Variants in AJAP1 observed in about 807,000 individuals in gnomAD.
The protein encoded by AJAP1 is adherens junctions associated protein 1.
In AJAP1, 5 loss-of-function variants were observed where a neutral mutation model predicts 35.0. The observed-to-expected ratio is 0.14, with a 90% CI of 0.07 to 0.30. The LOEUF (loss-of-function observed/expected upper bound fraction) is 0.30. Among genes scored for constraint, AJAP1 ranks in the 10% least tolerant of loss-of-function variants. AJAP1 has a pLI of 1.00. For synonymous variants in AJAP1, 284 were observed against 249.3 expected (o/e 1.14, Z -1.31); for missense variants, 586 against 571.0 (o/e 1.03, Z -0.27).
At chr1:4,733,652 G>T (rs1031570370) in intron 2 of AJAP1, among the ~76,000 whole-genome samples, 1 of 151,710 alleles carries the variant, frequency 6.6e-6, no homozygotes, top group African/African-American at 2.4e-5. Context: ...TGCTCCGAGC[G>T]CGGGAAATCC....
chr1:4,693,661 T>TTC lies in AJAP1; in HGVS notation c.30-18238_30-18237insCT, dbSNP rs1472132917. 6.6e-6 allele frequency among the ~76,000 whole-genome samples: 1 copy of TTC among 152,178 alleles called. No homozygotes were observed. ...AACAATATATGTGAGACTGGGCATT[T>TTC]TATAAAAAGCAGAGATTTATTTCTC... On this transcript the variant is annotated intron_variant, in intron 1 of 5. Transcript: ENST00000378191. This position sits in a 1 kb window ranked among gnomAD's most constrained non-coding sequence, Gnocchi z 4.4.
intron 5 of AJAP1, among the ~76,000 whole-genome samples, chr1:4,780,131 CAAAAAAAAA>C (rs545412869): frequency 5.4e-5 from 5 of 92,188 alleles, no homozygotes; most frequent in Admixed American, 1.2e-4. Flanking sequence ...GTGACAGTCT[CAAAAAAAAA>C]AAAAAAAAAA....
At chr1:4,774,086 A>T (rs1024324400) in intron 4 of AJAP1, among the ~76,000 whole-genome samples, 8 of 152,258 alleles carry the variant, frequency 5.3e-5, no homozygotes, top group Non-Finnish European at 1.0e-4. Context: ...CAAATCTGCC[A>T]TCAGAGGCAG....
At chr1:4,711,839 G>A (rs1640247471) in intron 1 of AJAP1, 61 bp from the exon 2 acceptor site, 3 of 1,328,760 alleles carry the variant, frequency 2.3e-6, no homozygotes, top group Non-Finnish European at 3.0e-6. Flanking sequence ...GAGGGCCCCG[G>A]GGCCCAGTCC....
intron 2 of AJAP1, among the ~76,000 whole-genome samples, chr1:4,737,083 G>A (rs965878969): frequency 6.6e-6 from 1 of 152,204 alleles, no homozygotes; most frequent in Non-Finnish European, 1.5e-5. Flanking sequence ...GGCAAAGTGG[G>A]AATTATTACG....
chr1:4,746,045 A>G (rs1465718026), intron 2 of AJAP1, among the ~76,000 whole-genome samples: 1 of 152,194 alleles, frequency 6.6e-6, no homozygotes, highest in African/African-American at 2.4e-5. Context: ...GATTTAAAAC[A>G]ACAGCAATTT....
intron 1 of AJAP1, among the ~76,000 whole-genome samples, chr1:4,670,085 G>A (rs1639216958): frequency 6.6e-6 from 1 of 152,158 alleles, no homozygotes; most frequent in African/African-American, 2.4e-5. Flanking sequence ...CCTGCACAGG[G>A]CTGGAAGGAT....
intron 2 of AJAP1, among the ~76,000 whole-genome samples, chr1:4,745,821 G>A (rs1641174844): frequency 6.6e-6 from 1 of 152,176 alleles, no homozygotes; most frequent in Non-Finnish European, 1.5e-5. Flanking sequence ...GTTGCTGGGG[G>A]CGAGTCGACT....
intron 2 of AJAP1, among the ~76,000 whole-genome samples, chr1:4,765,345 G>A (rs1193076844): frequency 1.3e-5 from 2 of 152,206 alleles, no homozygotes; most frequent in African/African-American, 4.8e-5. Context: ...CCCCTGGACA[G>A]CTGACATGGA....
chr1:4,701,701 G>A (rs1570129408), intron 1 of AJAP1, among the ~76,000 whole-genome samples: 1 of 152,210 alleles, frequency 6.6e-6, no homozygotes, highest in Non-Finnish European at 1.5e-5. Flanking sequence ...CCCCTGAGGG[G>A]CAAAATCACC....
intron 1 of AJAP1, among the ~76,000 whole-genome samples, chr1:4,660,276 T>C (rs1398775487): frequency 1.3e-5 from 2 of 152,308 alleles, no homozygotes; most frequent in East Asian, 1.9e-4. Flanking sequence ...ACAATACTCA[T>C]ACTACTACTG....
intron 1 of AJAP1, among the ~76,000 whole-genome samples, chr1:4,688,333 C>A (rs1051934483): frequency 6.6e-6 from 1 of 152,144 alleles, no homozygotes; most frequent in African/African-American, 2.4e-5. Flanking sequence ...AGACTGAAGT[C>A]CTCAGGTGAA....
intron 2 of AJAP1, among the ~76,000 whole-genome samples, chr1:4,744,465 G>A (rs1417435302): frequency 6.6e-6 from 1 of 152,184 alleles, no homozygotes. Context: ...GAGGATGTGG[G>A]CCTGGCTGGG....
rs769630880 is a variant in AJAP1 at position 4,782,031 on chromosome 1, C to T, written c.*60-514C>T. Among the ~76,000 whole-genome samples, 7 of 152,284 alleles carry T rather than the reference C, an allele frequency of 4.6e-5. No homozygotes were observed. The highest frequency in any genetic ancestry group is 7.4e-5 in the Non-Finnish European group (5 of 68,024). ...TCTGATGCAGTCCATTTATCTCTCCCGAATTCTGGCCTCGGGGATCCTGCA... is the reference window on the plus strand; with the variant it reads ...TCTGATGCAGTCCATTTATCTCTCCTGAATTCTGGCCTCGGGGATCCTGCA... On this transcript the variant is annotated intron_variant, in intron 5 of 5. Transcript: ENST00000378191. This position sits in a 1 kb window ranked among gnomAD's most constrained non-coding sequence, Gnocchi z 5.3.
intron 2 of AJAP1, among the ~76,000 whole-genome samples, chr1:4,712,990 G>A (rs910129266): frequency 6.6e-6 from 1 of 152,160 alleles, no homozygotes; most frequent in Non-Finnish European, 1.5e-5. Context: ...AGGTGCTGCA[G>A]CCCTGTTACA....
At chr1:4,660,533 A>T (rs189224441) in intron 1 of AJAP1, among the ~76,000 whole-genome samples, 4 of 152,204 alleles carry the variant, frequency 2.6e-5, no homozygotes, top group Admixed American at 2.0e-4. Flanking sequence ...GCAATTCCAC[A>T]GTTAAAATTA....
At chr1:4,679,365 G>C (rs11809744) in intron 1 of AJAP1, among the ~76,000 whole-genome samples, 20,574 of 152,006 alleles carry the variant, frequency 0.14, 1,871 homozygotes, top group East Asian at 0.29. Context: ...AGCAGGCACA[G>C]GAGAAATATC....
rs1411455614 is a variant in AJAP1 at position 4,734,281 on chromosome 1, AT to A, written c.829+21584del. Among the ~76,000 whole-genome samples, 1 of 152,194 alleles carries A rather than the reference AT, an allele frequency of 6.6e-6. No homozygotes were observed. Among genetic ancestry groups the A allele is most frequent in the Non-Finnish European group, 1.5e-5 (1 of 68,036 alleles). On this transcript the variant is annotated intron_variant, in intron 2 of 5. Coordinates refer to ENST00000378191, the MANE Select transcript of AJAP1 (RefSeq NM_018836.4). This position sits in a 1 kb window ranked among gnomAD's most constrained non-coding sequence, Gnocchi z 4.3. ...GCCCTACTGAGCCTCCTGCCTCACT[AT>A]TAACAGCGCTGCGTCCATACTGGGA...
chr1:4,733,399 C>T (rs1172134451), intron 2 of AJAP1, among the ~76,000 whole-genome samples: 1 of 150,296 alleles, frequency 6.7e-6, no homozygotes, highest in Non-Finnish European at 1.5e-5. Context: ...AACAGAATCT[C>T]ATTCGCTTGT....
Sources: gnomAD v4.1 joint callset for allele counts (sites outside exome capture counted in the v4.1 genomes callset) on GRCh38, gnomAD v4.1.1 for gene constraint, Gnocchi (gnomAD v3.1) non-coding constraint, MANE v1.5 for transcripts, NCBI Gene and HGNC (gene_info 2026-07-23, HGNC 2026-07-21) for gene names.